Variants in PTPRD observed in about 807,000 individuals in gnomAD.
The protein encoded by PTPRD is protein tyrosine phosphatase receptor type D, also known as receptor-type tyrosine-protein phosphatase delta.
PTPRD carries 34 observed loss-of-function variants against 214.5 expected under a neutral mutation model. That is an observed-to-expected ratio of 0.16 (90% CI 0.12 to 0.21). PTPRD has a LOEUF of 0.21. Among genes scored for constraint, PTPRD ranks in the 10% least tolerant of loss-of-function variants. The pLI is 1.00. For synonymous variants in PTPRD, 1,128 were observed against 845.7 expected, an observed-to-expected ratio of 1.33 and a Z score of -5.79; for missense variants, 2,545 against 2,398.7, an observed-to-expected ratio of 1.06 and a Z score of -1.27.
chr9:8,882,580 A>G (rs1223329289), intron 11 of PTPRD, among the ~76,000 whole-genome samples: 1 of 152,044 alleles, frequency 6.6e-6, no homozygotes, highest in African/African-American at 2.4e-5. Flanking sequence ...AAACTGAGGG[A>G]CTGTGATTAA....
intron 11 of PTPRD, among the ~76,000 whole-genome samples, chr9:8,933,629 T>C (rs2098969644): frequency 1.3e-5 from 2 of 152,028 alleles, no homozygotes; most frequent in Non-Finnish European, 2.9e-5. Flanking sequence ...TTCAAGTGAC[T>C]ATAAAGTATT....
chr9:10,461,573 G>A (rs1182970775), intron 2 of PTPRD, among the ~76,000 whole-genome samples: 1 of 150,710 alleles, frequency 6.6e-6, no homozygotes, highest in African/African-American at 2.4e-5. Context: ...GATCAAATAA[G>A]CCAGACACAG....
chr9:8,500,927 A>C lies in PTPRD; in HGVS notation c.1955T>G (p.Val652Gly), dbSNP rs920903792. 1 of 1,614,052 alleles carries C rather than the reference A, an allele frequency of 6.2e-7. No homozygotes were observed. The highest frequency in any genetic ancestry group is 8.5e-7 in the Non-Finnish European group (1 of 1,180,000). The change falls in exon 24 of 46, where the codon GTG becomes GGG. Residue 652 changes from valine to glycine, a missense_variant. Transcript: ENST00000381196. ...GTGAGGCTTGTCATCTTCCCCATCCACTGCAGTGTACTTGATGGAGTATTC... is the reference window on the plus strand; with the variant it reads ...GTGAGGCTTGTCATCTTCCCCATCCCCTGCAGTGTACTTGATGGAGTATTC... ...ITEYSIKYTAVDGEDDKPHEI... is the reference protein window; with the variant it reads ...ITEYSIKYTAGDGEDDKPHEI...
At chr9:8,829,381 C>T (rs570075569) in intron 11 of PTPRD, among the ~76,000 whole-genome samples, 2 of 152,314 alleles carry the variant, frequency 1.3e-5, no homozygotes, top group African/African-American at 4.8e-5. Flanking sequence ...GGGAATCATA[C>T]AGTTTGTACC....
chr9:9,403,049 G>A (rs980071912), intron 8 of PTPRD, among the ~76,000 whole-genome samples: 1 of 149,972 alleles, frequency 6.7e-6, no homozygotes, highest in South Asian at 2.1e-4. Flanking sequence ...CAGCACTTTG[G>A]CAGCCAAAGG....
intron 34 of PTPRD, among the ~76,000 whole-genome samples, chr9:8,440,461 C>T (rs865857692): frequency 6.6e-5 from 10 of 152,010 alleles, no homozygotes; most frequent in African/African-American, 9.6e-5. Context: ...ATTACAGGGA[C>T]GCGCCACCAC....
At chr9:10,584,711 G>C (rs2073335144) in intron 2 of PTPRD, among the ~76,000 whole-genome samples, 1 of 152,084 alleles carries the variant, frequency 6.6e-6, no homozygotes, top group African/African-American at 2.4e-5. Flanking sequence ...AAGTCGCTGA[G>C]ACAAAAAGCC....
At chr9:8,746,565 G>A (rs1266785162) in intron 11 of PTPRD, among the ~76,000 whole-genome samples, 1 of 152,134 alleles carries the variant, frequency 6.6e-6, no homozygotes, top group African/African-American at 2.4e-5. Context: ...GGAGTTTAAA[G>A]TCATTAAAAG....
chr9:8,723,768 C>T (rs983377932), intron 12 of PTPRD, among the ~76,000 whole-genome samples: 1 of 151,946 alleles, frequency 6.6e-6, no homozygotes, highest in Non-Finnish European at 1.5e-5. Flanking sequence ...ATATGTTTCT[C>T]TATATATTTA....
chr9:9,777,950 C>G lies in PTPRD; in HGVS notation c.-367-11099G>C, dbSNP rs542258620. Among the ~76,000 whole-genome samples, 139 of 152,116 alleles carry G rather than the reference C, an allele frequency of 9.1e-4. No homozygotes were observed. The Middle Eastern group carries it at 0.01, about 11-fold the overall frequency. ...CCATCTGAATAGCAGAAAGAAAATG[C>G]TAGAAAAGCATGGACAAAGAGGATA... On this transcript the variant is annotated intron_variant, in intron 5 of 45. Coordinates refer to ENST00000381196, the MANE Select transcript of PTPRD (RefSeq NM_002839.4).
At chr9:10,600,374 T>C (rs1033403584) in intron 2 of PTPRD, among the ~76,000 whole-genome samples, 1 of 151,774 alleles carries the variant, frequency 6.6e-6, no homozygotes, top group African/African-American at 2.4e-5. Context: ...TTTTATGTTG[T>C]ACAATGCGTG....
chr9:10,521,674 A>G lies in PTPRD; in HGVS notation c.-600+90724T>C, dbSNP rs138779288. Among the ~76,000 whole-genome samples the G allele has an allele frequency of 3.7e-4, 56 of 152,192 alleles. 1 individual carries two copies. The East Asian group carries it at 0.011, about 29-fold the overall frequency. On this transcript the variant is annotated intron_variant, in intron 2 of 45. Coordinates refer to ENST00000381196, the MANE Select transcript of PTPRD (RefSeq NM_002839.4). ...CAGCCATCCACCCTAACCTTCGACA[A>G]CCACCACCCAGATTAGTCAAAAGCA...
intron 39 of PTPRD, among the ~76,000 whole-genome samples, chr9:8,373,612 G>GGTGTGTGTGTGTGT (rs36212158): frequency 7.1e-6 from 1 of 141,456 alleles, no homozygotes; most frequent in African/African-American, 2.6e-5. Flanking sequence ...CATGGATGCG[G>GGTGTGTGTGTGTGT]GTGTGTGTGT....
chr9:8,943,815 A>G (rs919206402), intron 11 of PTPRD, among the ~76,000 whole-genome samples: 9 of 151,774 alleles, frequency 5.9e-5, no homozygotes, highest in African/African-American at 2.2e-4. Context: ...AAAAAAATGG[A>G]AGAAACTCAA....
rs370189480 is a variant in PTPRD, at chr9:9,805,265, G to A, written c.-367-38414C>T. ...TATGAGAAGAAGTAATATATAAAGTGCTTTGCCTAGTGCCCTTTGTTTGGT... is the reference window on the plus strand; with the variant it reads ...TATGAGAAGAAGTAATATATAAAGTACTTTGCCTAGTGCCCTTTGTTTGGT... On this transcript the variant is annotated intron_variant, in intron 5 of 45. Coordinates refer to ENST00000381196, the MANE Select transcript of PTPRD (RefSeq NM_002839.4). 2.0e-5 allele frequency among the ~76,000 whole-genome samples: 3 copies of A among 152,150 alleles called. No individual in the cohort carries two copies. In the East Asian group the frequency reaches 5.8e-4, roughly 29 times the overall value.
Position 8,486,114 on chromosome 9 carries a change from C to G in PTPRD, c.2703G>C (p.Val901=), listed in dbSNP as rs146714934. Residue 901 remains valine (V), a synonymous_variant, in exon 28 of 46, where the codon GTG becomes GTC. Coordinates refer to ENST00000381196, the MANE Select transcript of PTPRD (RefSeq NM_002839.4). ...CCTTCACCATCTCCTCCCCAAAGCC[C>G]ACTTTGTTTCTGGCTGAGAGCCTGA... is the stretch of plus-strand genomic sequence containing the variant. ...YVFRLSARNK[V]GFGEEMVKEI... 3.1e-6 allele frequency: 5 copies of G among 1,614,056 alleles called. No homozygotes were observed. The African/African-American group carries it at 4.0e-5, about 13-fold the overall frequency.
At position 8,929,885 on chromosome 9, in the gene PTPRD, G is replaced by GTGTGTATATA. The variant is rs1567064577; in HGVS notation, c.-104+88802_-104+88811dup. 1.7e-3 allele frequency among the ~76,000 whole-genome samples: 99 copies of GTGTGTATATA among 57,330 alleles called. 4 individuals are homozygous for GTGTGTATATA. Among genetic ancestry groups the GTGTGTATATA allele is most frequent in the African/African-American group, 6.5e-3 (98 of 14,962 alleles). The allele number at this position is 57,330 out of a possible 152,430, so 37.6% of individuals were successfully genotyped here. ...TATATACATGTGTGTGTATATATGTGTGTGTATATATATGTGTATATATAT... is the reference window on the plus strand; with the variant it reads ...TATATACATGTGTGTGTATATATGTGTGTGTATATATGTGTATATATATGTGTATATATAT... On this transcript the variant is annotated intron_variant, in intron 11 of 45. Coordinates refer to ENST00000381196, the MANE Select transcript of PTPRD (RefSeq NM_002839.4).
chr9:9,256,523 T>G (rs2099977775), intron 9 of PTPRD, among the ~76,000 whole-genome samples: 5 of 151,942 alleles, frequency 3.3e-5, no homozygotes, highest in Admixed American at 3.3e-4. Flanking sequence ...TAATAAAAAT[T>G]CCTTGCCTTT....
At chr9:8,629,275 C>G (rs2096164867) in intron 14 of PTPRD, among the ~76,000 whole-genome samples, 1 of 151,752 alleles carries the variant, frequency 6.6e-6, no homozygotes. Flanking sequence ...AGCAAGTACC[C>G]TTGGACTCTT....
Sources: gnomAD v4.1 joint callset for allele counts (sites outside exome capture counted in the v4.1 genomes callset) on GRCh38, gnomAD v4.1.1 for gene constraint, MANE v1.5 for transcripts, NCBI Gene and HGNC (gene_info 2026-07-23, HGNC 2026-07-21) for gene names.